Variants in THSD4 observed in about 807,000 individuals in gnomAD.
The protein encoded by THSD4 is thrombospondin type-1 domain-containing protein 4.
Under a neutral mutation model 119.0 loss-of-function variants are expected in THSD4, and 69 were observed. The observed-to-expected ratio is 0.58, with a 90% CI of 0.48 to 0.71. THSD4 has a LOEUF of 0.71. Among genes scored for constraint, THSD4 ranks in the 30% least tolerant of loss-of-function variants. The pLI is 0.00. For missense variants in THSD4, 1,393 were observed against 1,391.1 expected (o/e 1.00, Z -0.02); for synonymous variants, 524 against 540.4 (o/e 0.97, Z 0.42).
At chr15:71,625,602 T>C (rs376952761) in intron 7 of THSD4, among the ~76,000 whole-genome samples, 1 of 152,248 alleles carries the variant, frequency 6.6e-6, no homozygotes, top group African/African-American at 2.4e-5. Flanking sequence ...CCATATCCAT[T>C]ACTCTTAGAT....
At chr15:71,748,391 T>G in intron 13 of THSD4, 30 bp from the exon 14 acceptor site, 1 of 1,611,768 alleles carries the variant, frequency 6.2e-7, no homozygotes, top group Non-Finnish European at 8.5e-7. Context: ...AAGCTGCTGG[T>G]TCCCCTGACG....
intron 1 of THSD4, among the ~76,000 whole-genome samples, chr15:71,126,164 C>T (rs615783): frequency 0.069 from 10,434 of 152,212 alleles, 1,106 homozygotes; most frequent in African/African-American, 0.23. Context: ...TTCCTACTGG[C>T]GTGGTCAGAG....
intron 14 of THSD4, among the ~76,000 whole-genome samples, chr15:71,749,777 T>C (rs182719809): frequency 2.0e-4 from 30 of 150,972 alleles, no homozygotes; most frequent in African/African-American, 7.3e-4. Context: ...TGGAGTGCAG[T>C]GGTGCAATCT....
At chr15:71,650,284 T>C (rs934600470) in intron 7 of THSD4, among the ~76,000 whole-genome samples, 2 of 152,190 alleles carry the variant, frequency 1.3e-5, no homozygotes, top group Non-Finnish European at 2.9e-5. Flanking sequence ...TCTCTGGCTC[T>C]TTACAAAAGA....
At chr15:71,507,506 A>C (rs1187908097) in intron 7 of THSD4, among the ~76,000 whole-genome samples, 1 of 152,172 alleles carries the variant, frequency 6.6e-6, no homozygotes, top group African/African-American at 2.4e-5. Context: ...CCACACTCAG[A>C]TCTTCCCCTT....
chr15:71,739,111 A>C (rs1053486930), intron 11 of THSD4, among the ~76,000 whole-genome samples: 7 of 152,168 alleles, frequency 4.6e-5, no homozygotes, highest in South Asian at 2.1e-4. Flanking sequence ...AAAAAAAAAA[A>C]AAACAAAACT....
chr15:71,778,371 T>A lies in THSD4; in HGVS notation c.*997T>A, dbSNP rs751046979. On this transcript the variant is annotated 3_prime_UTR_variant, in exon 18 of 18. Coordinates refer to ENST00000261862, the MANE Select transcript of THSD4 (RefSeq NM_024817.3). ...AACTGTCCGTGAGACAAGAAAGCCA[T>A]TGGGGAAACCAGGTGATTGCCTGAA... 6.6e-6 allele frequency: 1 copy of A among 152,294 alleles called. No homozygotes were observed. Among genetic ancestry groups the A allele is most frequent in the East Asian group, 1.9e-4 (1 of 5,192 alleles). The allele number at this position is 152,294 out of a possible 1,614,324, so 9.4% of individuals were successfully genotyped here.
chr15:71,255,853 C>T (rs768389679), intron 5 of THSD4, among the ~76,000 whole-genome samples: 8 of 152,136 alleles, frequency 5.3e-5, no homozygotes, highest in Non-Finnish European at 8.8e-5. Context: ...AAAGTAGTGC[C>T]TGGCAAAGGT....
rs1336627086 is a variant in THSD4, at chr15:71,777,407, A to T, written c.*33A>T. 1 of 1,601,292 alleles carries T rather than the reference A, an allele frequency of 6.2e-7. No homozygotes were observed. ...GCACCCCCATCAGTAGGGCAGCATC[A>T]CTGCCTTCCCGGGGGCTTCAGCAGT... On this transcript the variant is annotated 3_prime_UTR_variant, in exon 18 of 18. Coordinates refer to ENST00000261862, the MANE Select transcript of THSD4 (RefSeq NM_024817.3).
intron 8 of THSD4, among the ~76,000 whole-genome samples, chr15:71,682,533 A>G (rs985347789): frequency 4.6e-5 from 7 of 150,714 alleles, no homozygotes; most frequent in African/African-American, 1.5e-4. Flanking sequence ...AAAACCTTAT[A>G]TAAATGGAAT....
intron 6 of THSD4, among the ~76,000 whole-genome samples, chr15:71,370,607 A>G (rs572861559): frequency 2.0e-5 from 3 of 152,316 alleles, no homozygotes; most frequent in South Asian, 2.1e-4. Context: ...TGAGTTTCTT[A>G]ATCCTGAGTT....
intron 9 of THSD4, 24 bp downstream of exon 9, chr15:71,728,748 G>A: frequency 1.2e-6 from 2 of 1,612,496 alleles, no homozygotes; most frequent in Non-Finnish European, 8.5e-7. Context: ...TTTCTGGACT[G>A]TTCTTTGGAT....
At chr15:71,751,650 G>C (rs977901968) in intron 14 of THSD4, among the ~76,000 whole-genome samples, 2 of 151,016 alleles carry the variant, frequency 1.3e-5, no homozygotes, top group Non-Finnish European at 2.9e-5. Flanking sequence ...GGATTTTCTA[G>C]TTTTTATTTT....
chr15:71,360,414 T>C (rs1477413711), intron 6 of THSD4, among the ~76,000 whole-genome samples: 2 of 152,190 alleles, frequency 1.3e-5, no homozygotes, highest in African/African-American at 4.8e-5. Flanking sequence ...TACTCGGCTC[T>C]ATCTCTTCAT....
intron 6 of THSD4, among the ~76,000 whole-genome samples, chr15:71,262,951 T>G (rs931771208): frequency 6.6e-6 from 1 of 151,220 alleles, no homozygotes; most frequent in African/African-American, 2.4e-5. Flanking sequence ...TTGTTTTTGT[T>G]TTTTTTTTTC....
chr15:71,149,276 C>G (rs1391316071), intron 2 of THSD4, among the ~76,000 whole-genome samples: 1 of 151,050 alleles, frequency 6.6e-6, no homozygotes. Flanking sequence ...GATGGAGTCT[C>G]GCTGTGTTGC....
At chr15:71,273,311 G>T (rs1376282695) in intron 6 of THSD4, among the ~76,000 whole-genome samples, 3 of 152,160 alleles carry the variant, frequency 2.0e-5, no homozygotes, top group South Asian at 4.1e-4. Context: ...AATATTAGAT[G>T]ATCTCACTTT....
At position 71,611,365 on chromosome 15, in the gene THSD4, G is replaced by T. The variant is rs370284414; in HGVS notation, c.1153-49165G>T. Among the ~76,000 whole-genome samples, 40 of 152,298 alleles carry T rather than the reference G, an allele frequency of 2.6e-4. 1 individual carries two copies. The highest frequency in any genetic ancestry group is 2.5e-3 in the East Asian group (13 of 5,174). The stretch of plus-strand genomic sequence containing the variant: ...TGCCATTTTCCTTCTAGAAAGAGAT[G>T]AAGGGTGGGACCAGGCCAGCCTTTT... On this transcript the variant is annotated intron_variant, in intron 7 of 17. Coordinates refer to ENST00000261862, the MANE Select transcript of THSD4 (RefSeq NM_024817.3).
At chr15:71,539,294 T>G (rs1667486419) in intron 7 of THSD4, among the ~76,000 whole-genome samples, 1 of 152,368 alleles carries the variant, frequency 6.6e-6, no homozygotes, top group South Asian at 2.1e-4. Flanking sequence ...CCCTGACTGA[T>G]AGCCAGCTGC....
Sources: gnomAD v4.1 joint callset for allele counts (sites outside exome capture counted in the v4.1 genomes callset) on GRCh38, gnomAD v4.1.1 for gene constraint, MANE v1.5 for transcripts, NCBI Gene and HGNC (gene_info 2026-07-23, HGNC 2026-07-21) for gene names.